Variants in VRK2 observed in about 807,000 individuals in gnomAD.
VRK2 encodes the protein VRK serine/threonine kinase 2, also known as serine/threonine-protein kinase VRK2.
VRK2 carries 60 observed loss-of-function variants against 57.6 expected under a neutral mutation model. That is an observed-to-expected ratio of 1.04 (90% CI 0.85 to 1.29). The LOEUF is 1.29. VRK2 is among the 50% of genes most tolerant of loss of function. The pLI is 0.00. For synonymous variants in VRK2, 231 were observed against 199.2 expected (o/e 1.16, Z -1.35); for missense variants, 705 against 588.1 (o/e 1.20, Z -2.06).
chr2:57,953,239 T>C (rs1018587586), intron 1 of VRK2, among the ~76,000 whole-genome samples: 9 of 152,366 alleles, frequency 5.9e-5, no homozygotes, highest in East Asian at 1.9e-4. Context: ...TTTGCTCTTA[T>C]CTGATTTGTT....
intron 7 of VRK2, among the ~76,000 whole-genome samples, chr2:58,097,537 T>G (rs547882669): frequency 6.6e-6 from 1 of 152,274 alleles, no homozygotes; most frequent in East Asian, 1.9e-4. Flanking sequence ...TGGTTAAAAA[T>G]GTAAATTAAA....
rs1025405910 is a variant in VRK2 at position 58,061,897 on chromosome 2, G to T, written c.136+12930G>T. Among the ~76,000 whole-genome samples the T allele has an allele frequency of 1.1e-4, 16 of 151,996 alleles. 1 individual carries two copies. Among genetic ancestry groups the T allele is most frequent in the African/African-American group, 3.6e-4 (15 of 41,488 alleles). On this transcript the variant is annotated intron_variant, in intron 2 of 12. Coordinates refer to ENST00000340157, the MANE Select transcript of VRK2 (RefSeq NM_006296.7). Reference sequence around the variant, plus strand: ...TAGAGGTGAAAGGGGTAAGGGTTCTGGTCTCCTGTCCCATGTTTCAACCTT... The same window carrying T: ...TAGAGGTGAAAGGGGTAAGGGTTCTTGTCTCCTGTCCCATGTTTCAACCTT...
intron 1 of VRK2, among the ~76,000 whole-genome samples, chr2:57,932,878 T>C (rs531077847): frequency 6.6e-5 from 10 of 152,202 alleles, no homozygotes; most frequent in Non-Finnish European, 8.8e-5. Flanking sequence ...TTTTGGTATT[T>C]TGAGTTTCAA....
chr2:57,943,910 C>T lies in VRK2; in HGVS notation c.-439+36071C>T, dbSNP rs114064410. Among the ~76,000 whole-genome samples the T allele has an allele frequency of 3.3e-3, 497 of 152,284 alleles. 1 individual carries two copies. Among genetic ancestry groups the T allele is most frequent in the Middle Eastern group, 0.01 (3 of 294 alleles). ...CCATATGGTGTCTGTTGCAACAATT[C>T]AATTCTGCCATTGTAGCAAAACAGC... On this transcript the variant is annotated intron_variant, in intron 1 of 15. Coordinates refer to the VRK2 transcript ENST00000417641.
In VRK2 at chr2:57,933,033, G is replaced by T. The variant is rs77245962; in HGVS notation, c.-439+25194G>T. Among the ~76,000 whole-genome samples, 1,510 of 152,042 alleles carry T rather than the reference G, an allele frequency of 9.9e-3. 26 individuals carry two copies. Among genetic ancestry groups the T allele is most frequent in the African/African-American group, 0.034 (1,416 of 41,512 alleles). ...GTTTTGTATTTTTATTTTTGGAAAA[G>T]ATCCTTGATATGGTTTCAGTCTTCT... On this transcript the variant is annotated intron_variant, in intron 1 of 15. Coordinates refer to the VRK2 transcript ENST00000417641.
intron 2 of VRK2, among the ~76,000 whole-genome samples, chr2:58,060,690 C>A (rs961815458): frequency 5.9e-5 from 9 of 151,882 alleles, no homozygotes; most frequent in African/African-American, 2.2e-4. Flanking sequence ...CCCTTATTTA[C>A]AGCCTAATTT....
At chr2:58,083,993 A>G (rs1558613093) in intron 2 of VRK2, 96 bp from the exon 3 acceptor site, 3 of 1,298,934 alleles carry the variant, frequency 2.3e-6, no homozygotes, top group African/African-American at 1.5e-5. Context: ...ATAAACTTAC[A>G]TATGTAAAAT....
At chr2:58,037,721 C>A (rs1674321735) in intron 3 of VRK2, among the ~76,000 whole-genome samples, 1 of 152,098 alleles carries the variant, frequency 6.6e-6, no homozygotes, top group Admixed American at 6.6e-5. Context: ...TACAATACTC[C>A]TGCAATATGT....
At chr2:57,927,836 T>C (rs1670589936) in intron 1 of VRK2, among the ~76,000 whole-genome samples, 1 of 152,216 alleles carries the variant, frequency 6.6e-6, no homozygotes, top group South Asian at 2.1e-4. Flanking sequence ...GTGGGGTTTT[T>C]TTCCTTCAGC....
chr2:58,044,491 A>G (rs1217843231), upstream of VRK2, among the ~76,000 whole-genome samples: 2 of 152,236 alleles, frequency 1.3e-5, no homozygotes, highest in Non-Finnish European at 2.9e-5. Context: ...TGACCTCATG[A>G]AACATACAAT....
At chr2:58,156,368 T>C (rs1466142238) in intron 12 of VRK2, among the ~76,000 whole-genome samples, 1 of 152,202 alleles carries the variant, frequency 6.6e-6, no homozygotes, top group Admixed American at 6.5e-5. Flanking sequence ...TTTGGGTTCG[T>C]AGAGCTGCTT....
intron 2 of VRK2, among the ~76,000 whole-genome samples, chr2:58,054,132 G>T (rs1272881279): frequency 6.6e-6 from 1 of 152,062 alleles, no homozygotes; most frequent in Non-Finnish European, 1.5e-5. Context: ...AGAAATCTGG[G>T]TGTTTAAGAA....
chr2:57,987,716 T>C (rs1672641291), intron 1 of VRK2, among the ~76,000 whole-genome samples: 2 of 152,190 alleles, frequency 1.3e-5, no homozygotes, highest in African/African-American at 4.8e-5. Flanking sequence ...ATTTGTAGTA[T>C]ATTTATTCAA....
intron 9 of VRK2, among the ~76,000 whole-genome samples, chr2:58,134,751 T>C (rs1679761371): frequency 6.6e-6 from 1 of 151,948 alleles, no homozygotes; most frequent in Non-Finnish European, 1.5e-5. Flanking sequence ...AACCTAAGCA[T>C]AAAGATAGAC....
chr2:57,938,217 G>C (rs1004790570), intron 1 of VRK2, among the ~76,000 whole-genome samples: 5 of 151,936 alleles, frequency 3.3e-5, no homozygotes, highest in Admixed American at 6.6e-5. Context: ...TCTTTCTCTA[G>C]ACCCTAGCAC....
At chr2:57,998,733 T>C (rs986520238) in intron 1 of VRK2, among the ~76,000 whole-genome samples, 2 of 152,204 alleles carry the variant, frequency 1.3e-5, no homozygotes, top group African/African-American at 2.4e-5. Context: ...CCTAAAATAA[T>C]TACATGTTGT....
chr2:58,097,175 T>G (rs1432130660), intron 7 of VRK2, among the ~76,000 whole-genome samples: 1 of 152,108 alleles, frequency 6.6e-6, no homozygotes, highest in Non-Finnish European at 1.5e-5. Context: ...AAGATCTACC[T>G]TATTCACTGT....
chr2:57,968,899 A>G (rs1572917793), intron 1 of VRK2, among the ~76,000 whole-genome samples: 1 of 152,092 alleles, frequency 6.6e-6, no homozygotes, highest in Admixed American at 6.6e-5. Flanking sequence ...GCATAATGCA[A>G]CTTCCTGAAG....
intron 3 of VRK2, 59 bp from the exon 4 acceptor site, chr2:58,084,822 A>G (rs1039308812): frequency 2.6e-6 from 3 of 1,138,824 alleles, no homozygotes; most frequent in Non-Finnish European, 3.8e-6. Flanking sequence ...AGTTGAAATA[A>G]CAATTCCATC....
Sources: allele counts gnomAD v4.1 joint callset (sites outside exome capture counted in the v4.1 genomes callset), GRCh38; gene constraint gnomAD v4.1.1; transcripts MANE v1.5; gene names NCBI Gene and HGNC (gene_info 2026-07-23, HGNC 2026-07-21).